SUGCT: variants seen among roughly 807,000 people sequenced by gnomAD.
The protein encoded by SUGCT is succinyl-CoA:glutarate-CoA transferase.
Under a neutral mutation model 55.0 loss-of-function variants are expected in SUGCT, and 41 were observed. The ratio of observed to expected loss-of-function variants is 0.74; its 90% CI spans 0.58 to 0.97. SUGCT has a LOEUF of 0.97. Among genes scored for constraint, SUGCT ranks in the 50% least tolerant of loss-of-function variants. SUGCT has a pLI of 0.00. For synonymous variants in SUGCT, 187 were observed against 200.4 expected (o/e 0.93, Z 0.56); for missense variants, 568 against 547.8 (o/e 1.04, Z -0.37).
intron 6 of SUGCT, among the ~76,000 whole-genome samples, chr7:40,226,487 G>T (rs1207619901): frequency 1.3e-5 from 2 of 151,866 alleles, no homozygotes; most frequent in East Asian, 3.9e-4. Flanking sequence ...AAAACACAAA[G>T]ACCAAAAACG....
intron 7 of SUGCT, among the ~76,000 whole-genome samples, chr7:40,242,218 G>C (rs1481492553): frequency 6.7e-6 from 1 of 149,878 alleles, no homozygotes; most frequent in Non-Finnish European, 1.5e-5. Context: ...TTGTCACCCA[G>C]GCTGGAGTGC....
At chr7:40,620,683 G>A (rs1383443024) in intron 12 of SUGCT, among the ~76,000 whole-genome samples, 1 of 152,134 alleles carries the variant, frequency 6.6e-6, no homozygotes, top group East Asian at 1.9e-4. Flanking sequence ...GATTACAGGG[G>A]TGAGCCACCA....
chr7:40,973,284 G>A, the SUGCT span, among the ~76,000 whole-genome samples: 1 of 152,094 alleles, frequency 6.6e-6, no homozygotes, highest in Non-Finnish European at 1.5e-5. Flanking sequence ...CATTTTCAAG[G>A]CATTCTGAAA....
At chr7:40,903,534 T>C in the SUGCT span, among the ~76,000 whole-genome samples, 17 of 152,334 alleles carry the variant, frequency 1.1e-4, no homozygotes, top group East Asian at 9.7e-4. Context: ...ACAGGTCTAC[T>C]GGTGCCAAGT....
chr7:40,879,242 A>T, the SUGCT span, among the ~76,000 whole-genome samples: 6 of 152,208 alleles, frequency 3.9e-5, no homozygotes, highest in African/African-American at 2.4e-5. Flanking sequence ...CCTATTTACT[A>T]GGCAAAATTT....
chr7:40,283,908 A>G (rs1448143978), intron 8 of SUGCT, among the ~76,000 whole-genome samples: 1 of 152,232 alleles, frequency 6.6e-6, no homozygotes. Flanking sequence ...ATCTAAATGT[A>G]AATAATCAGA....
chr7:40,878,638 C>T, the SUGCT span, among the ~76,000 whole-genome samples: 2 of 152,196 alleles, frequency 1.3e-5, no homozygotes, highest in Admixed American at 1.3e-4. Flanking sequence ...AATACTTTAC[C>T]AGATATCATT....
intron 6 of SUGCT, among the ~76,000 whole-genome samples, chr7:40,199,155 T>A (rs1786458270): frequency 1.3e-5 from 2 of 152,148 alleles, no homozygotes; most frequent in Non-Finnish European, 2.9e-5. Flanking sequence ...GTCAGTGCTG[T>A]CCAAGCCCAA....
At chr7:40,642,875 C>A (rs185344502) in intron 12 of SUGCT, among the ~76,000 whole-genome samples, 1 of 152,168 alleles carries the variant, frequency 6.6e-6, no homozygotes, top group South Asian at 2.1e-4. Flanking sequence ...GCAATATGGT[C>A]GAATTAGCAG....
At chr7:40,649,118 T>C (rs540575510) in intron 12 of SUGCT, among the ~76,000 whole-genome samples, 6 of 152,326 alleles carry the variant, frequency 3.9e-5, no homozygotes, top group African/African-American at 1.2e-4. Context: ...ATTTTTGAGC[T>C]TTTTCTTTGC....
rs893747613 is a variant in SUGCT at position 40,569,278 on chromosome 7, G to A, written c.1089+72892G>A. ...TCAAGTCTCTCCTTTCCATCCAGTG[G>A]TTACCGAACCCTTGGCCAAGGCACT... On this transcript the variant is annotated intron_variant, in intron 12 of 13. Coordinates refer to ENST00000335693, the MANE Select transcript of SUGCT (RefSeq NM_001193313.2). Among the ~76,000 whole-genome samples the A allele has an allele frequency of 7.2e-5, 11 of 152,148 alleles. No homozygotes were observed. The East Asian group carries it at 2.1e-3, about 29-fold the overall frequency.
chr7:40,964,838 G>A, the SUGCT span: 1 of 152,146 alleles, frequency 6.6e-6, no homozygotes, highest in Non-Finnish European at 1.5e-5. Context: ...TGCTGTGGTT[G>A]AGATATCCGG....
chr7:40,338,316 T>A (rs1381362698), intron 9 of SUGCT, among the ~76,000 whole-genome samples: 1 of 152,190 alleles, frequency 6.6e-6, no homozygotes, highest in African/African-American at 2.4e-5. Flanking sequence ...TTGGGGAAAT[T>A]CTCCTGGATA....
At chr7:40,365,365 C>T (rs1194205374) in intron 9 of SUGCT, among the ~76,000 whole-genome samples, 1 of 151,536 alleles carries the variant, frequency 6.6e-6, no homozygotes, top group Non-Finnish European at 1.5e-5. Context: ...GACAGGGATG[C>T]CCTCTCTCAC....
intron 1 of SUGCT, among the ~76,000 whole-genome samples, chr7:40,166,101 G>T (rs1784412725): frequency 6.6e-6 from 1 of 152,204 alleles, no homozygotes; most frequent in Non-Finnish European, 1.5e-5. Context: ...CAGCCTGGGT[G>T]ACAGAGCTAG....
chr7:40,942,781 T>G, the SUGCT span, among the ~76,000 whole-genome samples: 6 of 151,950 alleles, frequency 3.9e-5, no homozygotes, highest in Non-Finnish European at 7.4e-5. Flanking sequence ...TTTTTTTGTC[T>G]GATTGGGTTA....
the SUGCT span, among the ~76,000 whole-genome samples, chr7:40,901,282 G>A: frequency 2.0e-5 from 3 of 152,204 alleles, no homozygotes; most frequent in African/African-American, 7.2e-5. Flanking sequence ...AGAAAACAAT[G>A]ACTCTCTTGG....
At chr7:40,165,353 T>G (rs1021130441) in intron 1 of SUGCT, among the ~76,000 whole-genome samples, 1 of 152,094 alleles carries the variant, frequency 6.6e-6, no homozygotes, top group African/African-American at 2.4e-5. Context: ...CCTGCTCTGG[T>G]GTTGCTCAAG....
chr7:40,288,345 A>G (rs1189701388), intron 8 of SUGCT, among the ~76,000 whole-genome samples: 1 of 152,112 alleles, frequency 6.6e-6, no homozygotes, highest in African/African-American at 2.4e-5. Context: ...CTTTAAACTC[A>G]TTCTGCTGAA....
Sources: allele counts gnomAD v4.1 joint callset (sites outside exome capture counted in the v4.1 genomes callset), GRCh38; gene constraint gnomAD v4.1.1; transcripts MANE v1.5; gene names NCBI Gene and HGNC (gene_info 2026-07-23, HGNC 2026-07-21).